Variants in TMEM196 observed in about 807,000 individuals in gnomAD.
TMEM196 encodes the protein transmembrane protein 196.
A neutral mutation model predicts 20.0 loss-of-function variants in TMEM196; 17 were observed. The ratio of observed to expected loss-of-function variants is 0.85; its 90% confidence interval spans 0.58 to 1.27. TMEM196 has a LOEUF of 1.27. Among genes scored for constraint, TMEM196 ranks in the 50% most tolerant of loss-of-function variants. TMEM196 has a pLI of 0.00. For missense variants in TMEM196, 267 were observed against 223.0 expected (o/e 1.20, Z -1.26); for synonymous variants, 113 against 88.9 (o/e 1.27, Z -1.52).
intron 3 of TMEM196, among the ~76,000 whole-genome samples, chr7:19,725,091 A>G (rs561750047): frequency 2.0e-5 from 3 of 152,186 alleles, no homozygotes; most frequent in Non-Finnish European, 4.4e-5. Context: ...AAGCCCCTTT[A>G]TACTTGAAGA....
At position 19,724,282 on chromosome 7, in the gene TMEM196, T is replaced by G. The variant is rs931228585; in HGVS notation, c.531A>C (p.Thr177=). 1.5e-5 allele frequency: 24 copies of G among 1,550,230 alleles called. No homozygotes were observed. The African/African-American group carries it at 3.3e-4, about 21-fold the overall frequency. Residue 177 remains threonine, a splice_region_variant and synonymous_variant, in exon 4 of 5, where the codon ACA becomes ACC. Coordinates refer to ENST00000405844, the MANE Select transcript of TMEM196 (RefSeq NM_001363562.2). ...TAACTCCCTAGAAATCAGCGTACCT[T>G]GTAGGTAACTCTGGTGTCGGGGGCA... is the stretch of plus-strand genomic sequence containing the variant. ...PVVPPTPELP[T]RK is the part of the protein sequence containing the mutation.
In TMEM196 at chr7:19,772,692, C is replaced by G. The variant is rs1243323433; in HGVS notation, c.5G>C (p.Cys2Ser). The G allele has an allele frequency of 6.6e-7, 1 of 1,511,178 alleles. No homozygotes were observed. The highest frequency in any genetic ancestry group is 2.1e-5 in the Admixed American group (1 of 47,236). The allele number at this position is 1,511,178 out of a possible 1,614,324, so 93.6% of individuals were successfully genotyped here. Residue 2 changes from cysteine to serine, a missense_variant, in exon 1 of 5, where the codon TGC (cysteine) becomes TCC (serine). Cys to Ser is a moderately radical substitution (Grantham distance 112, BLOSUM62 -1). Coordinates refer to ENST00000405844, the MANE Select transcript of TMEM196 (RefSeq NM_001363562.2). M[C>S]TSGQIIGSLL... is the part of the protein sequence containing the mutation. ...GCTCCCAATAATCTGACCGCTGGTG[C>G]ACATCCTTCCTCGGTCATCTTCCTT...
chr7:19,750,841 CT>C (rs1784933660), intron 1 of TMEM196, among the ~76,000 whole-genome samples: 1 of 152,280 alleles, frequency 6.6e-6, no homozygotes, highest in African/African-American at 2.4e-5. Context: ...TATATTATAT[CT>C]TTTAAAATAT....
At chr7:19,762,428 T>C (rs954768492) in intron 1 of TMEM196, among the ~76,000 whole-genome samples, 3 of 152,152 alleles carry the variant, frequency 2.0e-5, no homozygotes, top group Admixed American at 6.6e-5. Flanking sequence ...TTATCAATAA[T>C]ATTCTAGTTA....
At chr7:19,741,133 C>A (rs994236936) in intron 1 of TMEM196, among the ~76,000 whole-genome samples, 2 of 152,020 alleles carry the variant, frequency 1.3e-5, no homozygotes, top group Admixed American at 6.6e-5. Context: ...CTGTGACGGG[C>A]GAGTTTATGA....
At chr7:19,747,252 C>T (rs926077283) in intron 1 of TMEM196, among the ~76,000 whole-genome samples, 1 of 119,876 alleles carries the variant, frequency 8.3e-6, no homozygotes, top group Admixed American at 8.8e-5. Flanking sequence ...GAGACTCCGT[C>T]TCAAAAAAAT....
intron 1 of TMEM196, among the ~76,000 whole-genome samples, chr7:19,754,924 T>C (rs532405109): frequency 9.2e-5 from 14 of 152,350 alleles, no homozygotes; most frequent in Admixed American, 2.6e-4. Flanking sequence ...AAATCACAGC[T>C]GATACAGCAC....
chr7:19,731,066 T>C (rs1222207203), intron 1 of TMEM196, among the ~76,000 whole-genome samples: 1 of 152,164 alleles, frequency 6.6e-6, no homozygotes, highest in Non-Finnish European at 1.5e-5. Context: ...AAGGATTTTC[T>C]AAATGTAGCA....
intron 1 of TMEM196, among the ~76,000 whole-genome samples, chr7:19,764,850 C>T (rs78280980): frequency 0.026 from 3,944 of 152,196 alleles, 86 homozygotes; most frequent in Middle Eastern, 0.065. Context: ...ATGATTGGGA[C>T]TTAGCCTTTA....
chr7:19,719,617 G>A lies in TMEM196; in HGVS notation c.*2511C>T, dbSNP rs1249304355. On this transcript the variant is annotated 3_prime_UTR_variant, in exon 5 of 5. Coordinates refer to ENST00000405844, the MANE Select transcript of TMEM196 (RefSeq NM_001363562.2). ...AGGCTCATACTAAAACTATAAGGTA[G>A]TCACTTAAAACATTCCAGCATGTGG... The A allele has an allele frequency of 6.6e-6, 1 of 151,986 alleles. No homozygotes were observed. 9.4% of individuals were successfully genotyped at this position (151,986 alleles called of 1,614,324 possible). A position where few individuals can be genotyped will look rare whatever the true frequency, so the allele number is the denominator to read the frequency against.
chr7:19,724,185 G>C, intron 4 of TMEM196, 95 bp downstream of exon 4: 1 of 1,128,644 alleles, frequency 8.9e-7, no homozygotes, highest in Non-Finnish European at 1.3e-6. Flanking sequence ...AACAACATCA[G>C]TTCAGACTGA....
At chr7:19,772,013 C>G (rs913236330) in intron 1 of TMEM196, among the ~76,000 whole-genome samples, 2 of 152,180 alleles carry the variant, frequency 1.3e-5, no homozygotes, top group African/African-American at 4.8e-5. Flanking sequence ...CACAAACTTC[C>G]TTTCACACTC....
intron 1 of TMEM196, among the ~76,000 whole-genome samples, chr7:19,741,100 T>G (rs144436162): frequency 6.6e-6 from 1 of 152,212 alleles, no homozygotes; most frequent in African/African-American, 2.4e-5. Context: ...AAAAAACAGA[T>G]GGATTGAAAA....
At chr7:19,747,057 C>T (rs1384461649) in intron 1 of TMEM196, among the ~76,000 whole-genome samples, 1 of 151,898 alleles carries the variant, frequency 6.6e-6, no homozygotes, top group East Asian at 1.9e-4. Context: ...AGATCGAGAC[C>T]ATCCCGGCTA....
At chr7:19,756,565 A>G (rs1175336396) in intron 1 of TMEM196, among the ~76,000 whole-genome samples, 7 of 151,960 alleles carry the variant, frequency 4.6e-5, no homozygotes, top group South Asian at 4.1e-4. Flanking sequence ...GTTCCCGTCT[A>G]TGAGTCCATA....
chr7:19,767,499 T>C (rs1213183637), intron 1 of TMEM196, among the ~76,000 whole-genome samples: 2 of 152,060 alleles, frequency 1.3e-5, no homozygotes, highest in African/African-American at 4.8e-5. Flanking sequence ...AATTGGTTTA[T>C]ATGCCCAGAA....
At chr7:19,753,972 A>T (rs935124424) in intron 1 of TMEM196, among the ~76,000 whole-genome samples, 3 of 152,144 alleles carry the variant, frequency 2.0e-5, no homozygotes, top group Non-Finnish European at 2.9e-5. Flanking sequence ...GACCCTCTTC[A>T]CCTTCCTTGT....
intron 1 of TMEM196, among the ~76,000 whole-genome samples, chr7:19,742,239 C>A (rs909221971): frequency 6.6e-6 from 1 of 152,096 alleles, no homozygotes; most frequent in Non-Finnish European, 1.5e-5. Context: ...AGGTACTATA[C>A]TTTTCATGCC....
intron 1 of TMEM196, among the ~76,000 whole-genome samples, chr7:19,758,779 A>G (rs544776376): frequency 6.6e-6 from 1 of 152,264 alleles, no homozygotes; most frequent in Admixed American, 6.5e-5. Flanking sequence ...AGGCTACACA[A>G]AAAAGCAGAA....
Sources: allele counts gnomAD v4.1 joint callset (sites outside exome capture counted in the v4.1 genomes callset), GRCh38; gene constraint gnomAD v4.1.1; transcripts MANE v1.5; gene names NCBI Gene and HGNC (gene_info 2026-07-23, HGNC 2026-07-21).